The following EXOC6B variants were observed in gnomAD, a reference collection of about 807,000 sequenced individuals.
EXOC6B encodes SEC15 homolog B.
In EXOC6B, 54 loss-of-function variants were observed where a neutral mutation model predicts 113.5. The ratio of observed to expected loss-of-function variants is 0.48; its 90% confidence interval spans 0.38 to 0.60. The LOEUF is 0.60. Among genes scored for constraint, EXOC6B ranks in the 20% least tolerant of loss-of-function variants. The pLI is 0.00. For missense variants in EXOC6B, 797 were observed against 977.5 expected (o/e 0.82, Z 2.46); for synonymous variants, 357 against 339.0 (o/e 1.05, Z -0.58).
intron 18 of EXOC6B, among the ~76,000 whole-genome samples, chr2:72,384,890 T>C (rs80175027): frequency 1.2e-3 from 176 of 152,286 alleles, no homozygotes; most frequent in African/African-American, 4.0e-3. Context: ...AGACGTATCA[T>C]GTTCATGAAT....
intron 1 of EXOC6B, among the ~76,000 whole-genome samples, chr2:72,742,167 T>C (rs1329029499): frequency 6.6e-6 from 1 of 152,154 alleles, no homozygotes; most frequent in Non-Finnish European, 1.5e-5. Flanking sequence ...AACGATAAAA[T>C]AAGTGTTCCA....
chr2:72,388,862 C>A (rs1692210464), intron 18 of EXOC6B, among the ~76,000 whole-genome samples: 1 of 152,126 alleles, frequency 6.6e-6, no homozygotes, highest in Admixed American at 6.6e-5. Context: ...GACATTAATA[C>A]AGAAACTCAA....
rs997994568 is a variant in EXOC6B, at chr2:72,671,533, A to G, written c.669+46570T>C. The stretch of plus-strand genomic sequence containing the variant: ...AACATGGTGAAACCCCGTCTCTACT[A>G]AAAAAAAATAAGTAATTCGCCGGGC... On this transcript the variant is annotated intron_variant, in intron 6 of 21. Transcript: ENST00000272427. 4.0e-5 allele frequency among the ~76,000 whole-genome samples: 6 copies of G among 150,470 alleles called. No homozygotes were observed. In the East Asian group the frequency reaches 9.8e-4, roughly 25 times the overall value.
intron 18 of EXOC6B, among the ~76,000 whole-genome samples, chr2:72,435,623 C>T (rs926558095): frequency 6.6e-6 from 1 of 151,956 alleles, no homozygotes; most frequent in Non-Finnish European, 1.5e-5. Flanking sequence ...GGATAGTTGG[C>T]TCTTCTTGTT....
intron 6 of EXOC6B, among the ~76,000 whole-genome samples, chr2:72,635,327 A>G (rs1244435180): frequency 6.6e-6 from 1 of 152,176 alleles, no homozygotes; most frequent in Non-Finnish European, 1.5e-5. Flanking sequence ...CAAGACTGAC[A>G]ATGAAAAAAA....
At chr2:72,458,496 G>C (rs1220149033) in intron 18 of EXOC6B, among the ~76,000 whole-genome samples, 1 of 152,068 alleles carries the variant, frequency 6.6e-6, no homozygotes, top group Non-Finnish European at 1.5e-5. Context: ...GTGTAGACAA[G>C]ACAGAAATAT....
intron 6 of EXOC6B, among the ~76,000 whole-genome samples, chr2:72,597,988 T>C (rs1670182414): frequency 6.6e-6 from 1 of 151,952 alleles, no homozygotes; most frequent in Non-Finnish European, 1.5e-5. Flanking sequence ...ATTATTATTA[T>C]TATTATAATG....
chr2:72,467,044 G>A (rs1423270978), intron 17 of EXOC6B, among the ~76,000 whole-genome samples: 3 of 152,018 alleles, frequency 2.0e-5, no homozygotes, highest in Non-Finnish European at 4.4e-5. Flanking sequence ...CTGTTTCTAT[G>A]AATTCAACAT....
chr2:72,686,697 A>G (rs1256108434), intron 6 of EXOC6B, among the ~76,000 whole-genome samples: 2 of 152,200 alleles, frequency 1.3e-5, no homozygotes, highest in African/African-American at 2.4e-5. Context: ...GCAAGCCATA[A>G]TAAGTATTAT....
At chr2:72,685,174 G>A (rs1283304266) in intron 6 of EXOC6B, among the ~76,000 whole-genome samples, 2 of 151,906 alleles carry the variant, frequency 1.3e-5, no homozygotes, top group Non-Finnish European at 2.9e-5. Flanking sequence ...GAATCTAGGT[G>A]GTAAGTAAAT....
intron 20 of EXOC6B, among the ~76,000 whole-genome samples, chr2:72,256,129 G>A (rs1200197591): frequency 6.6e-6 from 1 of 152,174 alleles, no homozygotes; most frequent in East Asian, 1.9e-4. Flanking sequence ...GACCGAGGGA[G>A]AGATTGGAGT....
intron 6 of EXOC6B, among the ~76,000 whole-genome samples, chr2:72,585,862 C>T (rs1056386013): frequency 6.6e-6 from 1 of 152,126 alleles, no homozygotes; most frequent in African/African-American, 2.4e-5. Context: ...CCAAATTCTA[C>T]AAGATGTGCA....
At chr2:72,503,386 T>C (rs190885804) in intron 11 of EXOC6B, among the ~76,000 whole-genome samples, 1 of 152,304 alleles carries the variant, frequency 6.6e-6, no homozygotes, top group Admixed American at 6.5e-5. Flanking sequence ...GCAACAGGGA[T>C]AGTTTTCTTG....
intron 20 of EXOC6B, among the ~76,000 whole-genome samples, chr2:72,331,381 T>C (rs1688411599): frequency 6.6e-6 from 1 of 152,122 alleles, no homozygotes; most frequent in Non-Finnish European, 1.5e-5. Context: ...AAGAAAAATA[T>C]AAGCCATGCC....
At chr2:72,372,986 T>G (rs2105034637) in intron 19 of EXOC6B, among the ~76,000 whole-genome samples, 1 of 151,538 alleles carries the variant, frequency 6.6e-6, no homozygotes, top group African/African-American at 2.4e-5. Flanking sequence ...TTAAAGACTT[T>G]AAAATCTAAG....
intron 20 of EXOC6B, among the ~76,000 whole-genome samples, chr2:72,210,189 T>A (rs543450911): frequency 2.0e-5 from 3 of 152,168 alleles, no homozygotes; most frequent in Non-Finnish European, 4.4e-5. Flanking sequence ...TCAACCTTCA[T>A]TGAGTATTTT....
intron 1 of EXOC6B, among the ~76,000 whole-genome samples, chr2:72,786,083 A>G (rs564832278): frequency 5.2e-4 from 79 of 152,342 alleles, no homozygotes; most frequent in African/African-American, 1.8e-3. Context: ...AAAATAAAAA[A>G]TTTAAGTAAG....
intron 6 of EXOC6B, among the ~76,000 whole-genome samples, chr2:72,695,427 G>T (rs1292386021): frequency 3.9e-5 from 6 of 152,066 alleles, no homozygotes; most frequent in African/African-American, 1.4e-4. Context: ...ATAAACACTT[G>T]TTTTCTTCAT....
intron 6 of EXOC6B, among the ~76,000 whole-genome samples, chr2:72,617,574 G>A (rs1305704675): frequency 7.3e-6 from 1 of 136,810 alleles, no homozygotes; most frequent in African/African-American, 2.8e-5. Context: ...CCAGGCTGGA[G>A]TGCAAAGGCG....
Sources: gnomAD v4.1 joint callset for allele counts (sites outside exome capture counted in the v4.1 genomes callset) on GRCh38, gnomAD v4.1.1 for gene constraint, MANE v1.5 for transcripts, NCBI Gene and HGNC (gene_info 2026-07-23, HGNC 2026-07-21) for gene names.